Variants in PDK1 observed in about 807,000 individuals in gnomAD.
PDK1 encodes the protein pyruvate dehydrogenase kinase 1, also known as [Pyruvate dehydrogenase (acetyl-transferring)] kinase isozyme 1, mitochondrial.
Under a neutral mutation model 54.2 loss-of-function variants are expected in PDK1, and 39 were observed. The observed-to-expected ratio is 0.72, with a 90% CI of 0.56 to 0.94. The LOEUF is 0.94. Ranked by LOEUF, PDK1 falls within the 40% of genes least tolerant of loss-of-function variation. PDK1 has a pLI of 0.00. For synonymous variants in PDK1, 221 were observed against 207.1 expected, an observed-to-expected ratio of 1.07 and a Z score of -0.58; for missense variants, 552 against 566.0, an observed-to-expected ratio of 0.98 and a Z score of 0.25.
chr2:172,581,551 A>G (rs2149263029), intron 8 of PDK1, among the ~76,000 whole-genome samples: 1 of 152,340 alleles, frequency 6.6e-6, no homozygotes, highest in East Asian at 1.9e-4. Flanking sequence ...AGACTGTTCT[A>G]GAAGTCCTGT....
chr2:172,627,847 A>ACAGATCTGCTTG, the PDK1 span, among the ~76,000 whole-genome samples: 1 of 152,246 alleles, frequency 6.6e-6, no homozygotes, highest in African/African-American at 2.4e-5. Context: ...CCCTCACCAA[A>ACAGATCTGCTTG]CAGATCTGCT....
rs1249506906 is a variant in PDK1, at chr2:172,599,558, T to C, written c.*3589T>C. The C allele has an allele frequency of 6.6e-6, 1 of 152,204 alleles. No homozygotes were observed. The highest frequency in any genetic ancestry group is 1.5e-5 in the Non-Finnish European group (1 of 68,014). The allele number at this position is 152,204 out of a possible 1,614,324, so 9.4% of individuals were successfully genotyped here. ...ATGTCTTATTAATTTCTGGTCCCAATAATTAATTTTCTTACAGTCAAACCC... is the reference window on the plus strand; with the variant it reads ...ATGTCTTATTAATTTCTGGTCCCAACAATTAATTTTCTTACAGTCAAACCC... On this transcript the variant is annotated 3_prime_UTR_variant, in exon 11 of 11. Transcript: ENST00000282077.
the PDK1 span, among the ~76,000 whole-genome samples, chr2:172,691,575 C>T: frequency 6.6e-6 from 1 of 152,218 alleles, no homozygotes; most frequent in Non-Finnish European, 1.5e-5. Flanking sequence ...ATTCATCCCT[C>T]CCTCTCTCCT....
intron 8 of PDK1, among the ~76,000 whole-genome samples, chr2:172,585,204 G>C (rs1444156718): frequency 3.3e-5 from 5 of 151,330 alleles, no homozygotes; most frequent in Non-Finnish European, 5.9e-5. Context: ...TTACTCTGTT[G>C]TGCAGGCTGA....
chr2:172,631,682 G>C, the PDK1 span, among the ~76,000 whole-genome samples: 1 of 151,936 alleles, frequency 6.6e-6, no homozygotes, highest in Non-Finnish European at 1.5e-5. Flanking sequence ...ACAATATTCT[G>C]AGGTAACATA....
the PDK1 span, among the ~76,000 whole-genome samples, chr2:172,630,093 T>C: frequency 6.6e-6 from 1 of 152,200 alleles, no homozygotes; most frequent in Non-Finnish European, 1.5e-5. Flanking sequence ...TAAATGAGGG[T>C]TGCTCTTCCC....
the PDK1 span, among the ~76,000 whole-genome samples, chr2:172,703,019 T>G: frequency 3.3e-5 from 5 of 152,190 alleles, no homozygotes; most frequent in Admixed American, 6.5e-5. Context: ...TGTGATTAAA[T>G]CAAGGAGCCT....
At chr2:172,611,429 C>T (rs745733851), downstream of PDK1, among the ~76,000 whole-genome samples, 1 of 152,056 alleles carries the variant, frequency 6.6e-6, no homozygotes, top group Non-Finnish European at 1.5e-5. Flanking sequence ...CTAGGTGTCA[C>T]TGAAGAATTC....
the PDK1 span, among the ~76,000 whole-genome samples, chr2:172,704,903 A>C: frequency 6.6e-6 from 1 of 152,202 alleles, no homozygotes; most frequent in Non-Finnish European, 1.5e-5. Context: ...ATATCAACCG[A>C]ATACAAAGAA....
At chr2:172,706,331 T>G in the PDK1 span, among the ~76,000 whole-genome samples, 1 of 152,224 alleles carries the variant, frequency 6.6e-6, no homozygotes. Context: ...AATTGCTTAT[T>G]GTAACATTTT....
At chr2:172,640,195 C>T in the PDK1 span, among the ~76,000 whole-genome samples, 1 of 152,102 alleles carries the variant, frequency 6.6e-6, no homozygotes, top group Non-Finnish European at 1.5e-5. Flanking sequence ...TTCCCCTTGA[C>T]AAGGGATAGA....
chr2:172,710,721 T>C, the PDK1 span, among the ~76,000 whole-genome samples: 1 of 152,208 alleles, frequency 6.6e-6, no homozygotes, highest in African/African-American at 2.4e-5. Flanking sequence ...ATCAGTGAAA[T>C]TGTCAGACTG....
chr2:172,642,925 CCTT>C, the PDK1 span, among the ~76,000 whole-genome samples: 2 of 152,124 alleles, frequency 1.3e-5, no homozygotes, highest in Non-Finnish European at 2.9e-5. Flanking sequence ...TCCTACTCCT[CCTT>C]CTTCTTCTCT....
chr2:172,632,212 A>T, the PDK1 span, among the ~76,000 whole-genome samples: 5 of 151,864 alleles, frequency 3.3e-5, no homozygotes, highest in Non-Finnish European at 5.9e-5. Flanking sequence ...GATTGCAGTG[A>T]GCTGAGATTG....
intron 8 of PDK1, among the ~76,000 whole-genome samples, chr2:172,575,818 T>C (rs1470187605): frequency 6.6e-6 from 1 of 152,150 alleles, no homozygotes; most frequent in Non-Finnish European, 1.5e-5. Context: ...CAAGACTCTT[T>C]GTCTCAAATA....
At chr2:172,717,399 CTTG>C in the PDK1 span, among the ~76,000 whole-genome samples, 1 of 152,296 alleles carries the variant, frequency 6.6e-6, no homozygotes, top group Non-Finnish European at 1.5e-5. Flanking sequence ...ATAATAAACG[CTTG>C]TTGTTTTAAA....
At chr2:172,643,959 A>G in the PDK1 span, among the ~76,000 whole-genome samples, 1 of 152,234 alleles carries the variant, frequency 6.6e-6, no homozygotes, top group African/African-American at 2.4e-5. Flanking sequence ...AGGGTGGGCT[A>G]GCCACCCACA....
chr2:172,596,197 C>A lies in PDK1; in HGVS notation c.*228C>A. 2.8e-6 allele frequency: 1 copy of A among 354,118 alleles called. No homozygotes were observed. The highest frequency in any genetic ancestry group is 5.1e-6 in the Non-Finnish European group (1 of 196,238). The allele number at this position is 354,118 out of a possible 1,614,324, so 21.9% of individuals were successfully genotyped here. A position where few individuals can be genotyped will look rare whatever the true frequency, so the allele number is the denominator to read the frequency against. On this transcript the variant is annotated 3_prime_UTR_variant, in exon 11 of 11. Coordinates refer to ENST00000282077, the MANE Select transcript of PDK1 (RefSeq NM_002610.5). ...ACAGTTAATTGAACATATTTTTAAA[C>A]AACTGTAGTTTTGGGCAACTTTTCA...
At chr2:172,651,297 T>C in the PDK1 span, among the ~76,000 whole-genome samples, 1 of 152,012 alleles carries the variant, frequency 6.6e-6, no homozygotes, top group Non-Finnish European at 1.5e-5. Context: ...ACACAACATA[T>C]CAGAATCTCT....
Sources: gnomAD v4.1 joint callset for allele counts (sites outside exome capture counted in the v4.1 genomes callset) on GRCh38, gnomAD v4.1.1 for gene constraint, MANE v1.5 for transcripts, NCBI Gene and HGNC (gene_info 2026-07-23, HGNC 2026-07-21) for gene names.